The following SOX5 variants were observed in gnomAD, a reference collection of about 807,000 sequenced individuals.
SOX5 encodes SRY-box transcription factor 5.
SOX5 carries 9 observed loss-of-function variants against 92.0 expected under a neutral mutation model. That is an observed-to-expected ratio of 0.10 (90% CI 0.06 to 0.17). The LOEUF (loss-of-function observed/expected upper bound fraction) is 0.17, where lower values mean the gene tolerates loss of function less well. SOX5 is among the 10% of genes least tolerant of loss of function. SOX5 has a pLI of 1.00. For synonymous variants in SOX5, 344 were observed against 336.3 expected (o/e 1.02, Z -0.25); for missense variants, 642 against 944.5 (o/e 0.68, Z 4.20).
intron 1 of SOX5, among the ~76,000 whole-genome samples, chr12:23,947,459 G>C (rs1414152223): frequency 1.3e-5 from 2 of 151,716 alleles, no homozygotes; most frequent in East Asian, 3.9e-4. Flanking sequence ...TCATGCATGG[G>C]TGCCTATAGA....
intron 2 of SOX5, among the ~76,000 whole-genome samples, chr12:24,335,444 C>G (rs1951780088): frequency 6.6e-6 from 1 of 152,138 alleles, no homozygotes; most frequent in South Asian, 2.1e-4. Context: ...CACACATTAT[C>G]AACTTACCTA....
intron 11 of SOX5, among the ~76,000 whole-genome samples, chr12:23,562,799 C>T (rs552837455): frequency 4.6e-5 from 7 of 152,260 alleles, no homozygotes; most frequent in Admixed American, 1.3e-4. Flanking sequence ...TCATCTAACA[C>T]TTGACAGTGT....
intron 13 of SOX5, 39 bp downstream of exon 13, chr12:23,543,172 T>G: frequency 6.4e-7 from 1 of 1,561,712 alleles, no homozygotes; most frequent in Non-Finnish European, 8.8e-7. Context: ...AACAGTACCT[T>G]TATTCCATAC....
intron 4 of SOX5, among the ~76,000 whole-genome samples, chr12:24,009,155 G>T (rs938331965): frequency 2.6e-5 from 4 of 152,172 alleles, no homozygotes; most frequent in Admixed American, 2.6e-4. Context: ...GCCTTCAGAT[G>T]ATTTCAGCCC....
intron 3 of SOX5, among the ~76,000 whole-genome samples, chr12:24,232,464 G>C (rs1963595520): frequency 6.6e-6 from 1 of 152,140 alleles, no homozygotes; most frequent in South Asian, 2.1e-4. Flanking sequence ...ATACTTTCAG[G>C]ATTCAATTAA....
At chr12:24,066,206 T>G (rs566425466) in intron 4 of SOX5, among the ~76,000 whole-genome samples, 30 of 152,342 alleles carry the variant, frequency 2.0e-4, no homozygotes, top group Admixed American at 2.0e-3. Context: ...TCAGTTGATA[T>G]AGAAGGCTGA....
intron 9 of SOX5, among the ~76,000 whole-genome samples, chr12:23,600,554 C>T (rs74071303): frequency 0.4 from 15,338 of 37,972 alleles, 2,411 homozygotes; most frequent in Middle Eastern, 0.52. Flanking sequence ...TATATATATA[C>T]ACATACTTGG....
At chr12:24,491,460 T>G (rs1320512061) in intron 1 of SOX5, among the ~76,000 whole-genome samples, 1 of 151,974 alleles carries the variant, frequency 6.6e-6, no homozygotes, top group African/African-American at 2.4e-5. Context: ...TTGCTAGTGT[T>G]TGGTCAAAAA....
chr12:23,718,473 T>C (rs555653983), intron 6 of SOX5, among the ~76,000 whole-genome samples: 7 of 152,340 alleles, frequency 4.6e-5, no homozygotes, highest in African/African-American at 1.4e-4. Context: ...TTTCAGGGAC[T>C]TGGCAGAATT....
At chr12:24,472,889 T>C (rs960581019) in intron 1 of SOX5, among the ~76,000 whole-genome samples, 1 of 152,100 alleles carries the variant, frequency 6.6e-6, no homozygotes, top group African/African-American at 2.4e-5. Context: ...GTGTTACCTG[T>C]GGTGATCTAT....
chr12:24,275,038 G>A (rs577725819), intron 3 of SOX5, among the ~76,000 whole-genome samples: 5 of 63,580 alleles, frequency 7.9e-5, no homozygotes, highest in Admixed American at 1.9e-4. Context: ...ATTTCAACCC[G>A]ACTTTGGGAA....
chr12:23,858,184 T>A (rs1315949467), intron 2 of SOX5, among the ~76,000 whole-genome samples: 3 of 151,940 alleles, frequency 2.0e-5, no homozygotes, highest in Non-Finnish European at 4.4e-5. Context: ...CGCTAAAAAA[T>A]AATAATAATA....
intron 1 of SOX5, among the ~76,000 whole-genome samples, chr12:24,520,195 A>G (rs1950147000): frequency 6.6e-6 from 1 of 152,180 alleles, no homozygotes; most frequent in Admixed American, 6.5e-5. Flanking sequence ...AGTCCTTTGA[A>G]TTGAAATGAA....
intron 1 of SOX5, among the ~76,000 whole-genome samples, chr12:24,555,281 T>C (rs1468212696): frequency 6.6e-6 from 1 of 152,188 alleles, no homozygotes; most frequent in Non-Finnish European, 1.5e-5. Context: ...TGAAGAGAGT[T>C]CTGCCTCATG....
At chr12:24,344,371 G>C (rs10842328) in intron 2 of SOX5, among the ~76,000 whole-genome samples, 9,084 of 151,358 alleles carry the variant, frequency 0.06, 393 homozygotes, top group Non-Finnish European at 0.087. Context: ...TTTCCATGGA[G>C]TGCTCTCATT....
chr12:24,380,599 T>C (rs1391028067), intron 1 of SOX5, among the ~76,000 whole-genome samples: 8 of 152,244 alleles, frequency 5.3e-5, no homozygotes, highest in Non-Finnish European at 1.5e-5. Flanking sequence ...TTTCAACCCA[T>C]TTGGTTCCAG....
chr12:24,088,334 G>A (rs1446452476), intron 4 of SOX5, among the ~76,000 whole-genome samples: 1 of 151,744 alleles, frequency 6.6e-6, no homozygotes, highest in African/African-American at 2.4e-5. Flanking sequence ...TCTATTGTTG[G>A]CATTTACATA....
intron 2 of SOX5, among the ~76,000 whole-genome samples, chr12:24,333,132 A>C (rs536157042): frequency 2.6e-5 from 4 of 152,250 alleles, no homozygotes; most frequent in African/African-American, 7.2e-5. Context: ...TTTTTCCCCC[A>C]GTAAAGTTTC....
intron 3 of SOX5, among the ~76,000 whole-genome samples, chr12:23,758,388 G>GT (rs61280264): frequency 0.032 from 4,580 of 143,906 alleles, 194 homozygotes; most frequent in African/African-American, 0.098. Context: ...CTTGAACTAA[G>GT]TTTTTTTTTT....
Sources: gnomAD v4.1 joint callset for allele counts (sites outside exome capture counted in the v4.1 genomes callset) on GRCh38, gnomAD v4.1.1 for gene constraint, MANE v1.5 for transcripts, NCBI Gene and HGNC (gene_info 2026-07-23, HGNC 2026-07-21) for gene names.